DNM3: variants seen among roughly 807,000 people sequenced by gnomAD.
DNM3 encodes the protein dynamin 3.
A neutral mutation model predicts 101.6 loss-of-function variants in DNM3; 47 were observed. The ratio of observed to expected loss-of-function variants is 0.46; its 90% confidence interval spans 0.37 to 0.59. DNM3 has a LOEUF of 0.59. Among genes scored for constraint, DNM3 ranks in the 20% least tolerant of loss-of-function variants. DNM3 has a pLI of 0.00. For missense variants in DNM3, 849 were observed against 1,085.7 expected (o/e 0.78, Z 3.06); for synonymous variants, 385 against 387.9 (o/e 0.99, Z 0.09).
At chr1:172,038,117 G>A (rs1195939184) in intron 6 of DNM3, among the ~76,000 whole-genome samples, 1 of 152,166 alleles carries the variant, frequency 6.6e-6, no homozygotes, top group African/African-American at 2.4e-5. Flanking sequence ...GGAATTTTGA[G>A]CATCTCTGAA....
intron 17 of DNM3, among the ~76,000 whole-genome samples, chr1:172,324,920 C>A (rs1435170375): frequency 1.3e-5 from 2 of 152,150 alleles, no homozygotes; most frequent in Non-Finnish European, 2.9e-5. Flanking sequence ...AGGGAGCCAG[C>A]TGCTGACATT....
intron 10 of DNM3, among the ~76,000 whole-genome samples, chr1:172,056,579 G>A (rs1196133831): frequency 5.9e-5 from 9 of 152,120 alleles, no homozygotes; most frequent in Non-Finnish European, 1.0e-4. Context: ...CCAAGCAGGG[G>A]CACACTGACA....
chr1:172,102,060 T>C (rs1322576715), intron 13 of DNM3, among the ~76,000 whole-genome samples: 1 of 152,058 alleles, frequency 6.6e-6, no homozygotes, highest in African/African-American at 2.4e-5. Context: ...GGTTTCACCA[T>C]GTTGGCCAGG....
intron 14 of DNM3, chr1:172,137,920 C>T (rs1259602959): frequency 6.6e-6 from 1 of 152,066 alleles, no homozygotes; most frequent in Non-Finnish European, 1.5e-5. Context: ...TCAAAATATA[C>T]ATTTCAAGTG....
intron 14 of DNM3, among the ~76,000 whole-genome samples, chr1:172,187,077 T>C (rs2059552850): frequency 1.3e-5 from 2 of 152,152 alleles, no homozygotes. Context: ...AAGACCTCCC[T>C]GGAGGGAACC....
At chr1:171,854,651 T>G (rs971248348) in intron 1 of DNM3, among the ~76,000 whole-genome samples, 7 of 152,088 alleles carry the variant, frequency 4.6e-5, no homozygotes, top group African/African-American at 9.7e-5. Flanking sequence ...AAAGAAAAAT[T>G]GAAAGACCTC....
At chr1:172,402,098 G>A (rs998603599) in intron 20 of DNM3, among the ~76,000 whole-genome samples, 9 of 152,090 alleles carry the variant, frequency 5.9e-5, no homozygotes, top group Non-Finnish European at 1.0e-4. Context: ...TGCAAGAGGC[G>A]TAGGAGTAAT....
At chr1:172,319,495 TA>T (rs2065583515) in intron 16 of DNM3, among the ~76,000 whole-genome samples, 1 of 152,192 alleles carries the variant, frequency 6.6e-6, no homozygotes, top group African/African-American at 2.4e-5. Flanking sequence ...GACAAAGGGC[TA>T]ATATCCAGAA....
chr1:171,863,554 T>C (rs2034403715), intron 1 of DNM3, among the ~76,000 whole-genome samples: 1 of 152,244 alleles, frequency 6.6e-6, no homozygotes, highest in African/African-American at 2.4e-5. Flanking sequence ...CTAAAATGCA[T>C]GTTTTATCAA....
chr1:172,152,510 G>A (rs1344879306), intron 14 of DNM3, among the ~76,000 whole-genome samples: 1 of 151,966 alleles, frequency 6.6e-6, no homozygotes, highest in Non-Finnish European at 1.5e-5. Flanking sequence ...TTCTTATACG[G>A]GTTAGGTTGG....
chr1:172,408,731 C>G lies in DNM3; in HGVS notation c.*890C>G. On this transcript the variant is annotated 3_prime_UTR_variant, in exon 21 of 21. Coordinates refer to ENST00000627582, the MANE Select transcript of DNM3 (RefSeq NM_015569.5). Reference sequence around the variant, plus strand: ...CACTTTGATACTAACTCCAGTTTTACTATTATTATTTTGGTTGGAAAAAAA... The same window carrying G: ...CACTTTGATACTAACTCCAGTTTTAGTATTATTATTTTGGTTGGAAAAAAA... 1.0e-6 allele frequency: 1 copy of G among 984,650 alleles called. No homozygotes were observed. 61.0% of individuals were successfully genotyped at this position (984,650 alleles called of 1,614,324 possible). A position where few individuals can be genotyped will look rare whatever the true frequency, so the allele number is the denominator to read the frequency against.
intron 14 of DNM3, among the ~76,000 whole-genome samples, chr1:172,195,510 G>A (rs751297655): frequency 6.6e-6 from 1 of 151,792 alleles, no homozygotes; most frequent in Non-Finnish European, 1.5e-5. Flanking sequence ...CTCATCTCAT[G>A]GTACAGCATC....
At chr1:172,069,559 C>T (rs1319035852) in intron 11 of DNM3, among the ~76,000 whole-genome samples, 1 of 152,106 alleles carries the variant, frequency 6.6e-6, no homozygotes, top group Non-Finnish European at 1.5e-5. Flanking sequence ...AAGTAAAGGA[C>T]TACGTGGAAA....
chr1:172,338,943 A>AT, intron 17 of DNM3: 1 of 412,334 alleles, frequency 2.4e-6, no homozygotes, highest in African/African-American at 2.1e-5. Flanking sequence ...TTCTTTTAAC[A>AT]TTCTTGCTTT....
chr1:171,852,968 T>A lies in DNM3; in HGVS notation c.161+11151T>A, dbSNP rs185794964. ...AGAGAGAAACCTGGCTTTAAAAAAATGTGTGTTTTCTATAGGTTATCTGTA... is the reference window on the plus strand; with the variant it reads ...AGAGAGAAACCTGGCTTTAAAAAAAAGTGTGTTTTCTATAGGTTATCTGTA... On this transcript the variant is annotated intron_variant, in intron 1 of 20. Coordinates refer to ENST00000627582, the MANE Select transcript of DNM3 (RefSeq NM_015569.5). Among the ~76,000 whole-genome samples the A allele has an allele frequency of 1.1e-3, 162 of 152,210 alleles. No homozygotes were observed. The Middle Eastern group carries it at 0.017, about 16-fold the overall frequency.
intron 15 of DNM3, among the ~76,000 whole-genome samples, chr1:172,276,307 T>TG (rs139989021): frequency 1.9e-3 from 292 of 152,126 alleles, no homozygotes; most frequent in African/African-American, 6.8e-3. Context: ...TCCTGCCTGA[T>TG]GGGGGAATTT....
chr1:172,407,702 A>C (rs888998286), intron 20 of DNM3, 70 bp from the exon 21 acceptor site: 4 of 1,517,384 alleles, frequency 2.6e-6, no homozygotes, highest in Non-Finnish European at 3.7e-6. Flanking sequence ...GCTCTTTCTC[A>C]GTGTCCTTGG....
intron 14 of DNM3, among the ~76,000 whole-genome samples, chr1:172,165,638 C>A (rs527279592): frequency 1.3e-5 from 2 of 152,070 alleles, no homozygotes; most frequent in Non-Finnish European, 2.9e-5. Context: ...CAGCAACCAA[C>A]GCTGCAAGGA....
intron 4 of DNM3, among the ~76,000 whole-genome samples, chr1:171,991,082 G>A (rs564135656): frequency 4.6e-5 from 7 of 152,050 alleles, no homozygotes; most frequent in Non-Finnish European, 1.0e-4. Context: ...GAGTCCACAC[G>A]TAGTCCACGT....
Sources: gnomAD v4.1 joint callset for allele counts (sites outside exome capture counted in the v4.1 genomes callset) on GRCh38, gnomAD v4.1.1 for gene constraint, MANE v1.5 for transcripts, NCBI Gene and HGNC (gene_info 2026-07-23, HGNC 2026-07-21) for gene names.